PCDH11X: variants seen among roughly 807,000 people sequenced by gnomAD.
PCDH11X encodes protocadherin-11 X-linked.
A neutral mutation model predicts 53.3 loss-of-function variants in PCDH11X; 18 were observed. That is an observed-to-expected ratio of 0.34 (90% CI 0.23 to 0.50). The LOEUF (loss-of-function observed/expected upper bound fraction) is 0.50, where lower values mean the gene tolerates loss of function less well. Among genes scored for constraint, PCDH11X ranks in the 20% least tolerant of loss-of-function variants. PCDH11X has a pLI of 0.98. For synonymous variants in PCDH11X, 279 were observed against 393.3 expected (o/e 0.71, Z 3.44); for missense variants, 570 against 1,032.4 (o/e 0.55, Z 6.14).
intron 6 of PCDH11X, among the ~76,000 whole-genome samples, chrX:92,010,658 G>T (rs1203678829): frequency 9.1e-6 from 1 of 110,090 alleles, no homozygotes; most frequent in East Asian, 2.8e-4. Flanking sequence ...GATATGCATA[G>T]ATATTGTCTC....
chrX:91,990,203 TTA>T (rs2062298567), intron 6 of PCDH11X, among the ~76,000 whole-genome samples: 4 of 110,616 alleles, frequency 3.6e-5, no homozygotes, highest in Admixed American at 9.6e-5. Flanking sequence ...GGGTACAATT[TTA>T]TGTTTTGATA....
intron 6 of PCDH11X, among the ~76,000 whole-genome samples, chrX:91,904,277 A>G (rs1417762461): frequency 2.7e-3 from 294 of 110,384 alleles, no homozygotes; most frequent in Non-Finnish European, 4.2e-3. Flanking sequence ...TCATAAGTAA[A>G]TGGATATTTA....
chrX:92,383,991 T>G (rs950252868), intron 8 of PCDH11X, among the ~76,000 whole-genome samples: 7 of 111,956 alleles, frequency 6.3e-5, no homozygotes, highest in African/African-American at 2.3e-4. Context: ...GCATCTGTTG[T>G]TTCCTGACAT....
At chrX:91,932,643 G>A (rs1319360506) in intron 6 of PCDH11X, among the ~76,000 whole-genome samples, 1 of 98,699 alleles carries the variant, frequency 1.0e-5, no homozygotes, top group Admixed American at 1.1e-4. Flanking sequence ...TGAAGAAGTG[G>A]GCATGGTGTA....
At chrX:92,208,534 T>C (rs1239681651) in intron 7 of PCDH11X, among the ~76,000 whole-genome samples, 1 of 81,504 alleles carries the variant, frequency 1.2e-5, no homozygotes, top group Admixed American at 1.4e-4. Flanking sequence ...TATATATATA[T>C]ATACAATTTT....
At chrX:92,310,024 A>G (rs1485017870) in intron 8 of PCDH11X, among the ~76,000 whole-genome samples, 1 of 112,231 alleles carries the variant, frequency 8.9e-6, no homozygotes, top group Non-Finnish European at 1.9e-5. Flanking sequence ...TATTTCCTTC[A>G]GTTTAACCAT....
chrX:92,106,198 G>A (rs1422891638), intron 6 of PCDH11X, among the ~76,000 whole-genome samples: 1 of 106,299 alleles, frequency 9.4e-6, no homozygotes, highest in African/African-American at 3.6e-5. Context: ...AAATGTTGCT[G>A]TTCTTGTTGG....
Position 91,779,404 on chromosome X carries a change from G to A in PCDH11X, c.-659G>A, listed in dbSNP as rs1022931824. 3 of 109,704 alleles carry A rather than the reference G, an allele frequency of 2.7e-5. No individual in the cohort carries two copies. Among genetic ancestry groups the A allele is most frequent in the Non-Finnish European group, 5.7e-5 (3 of 52,503 alleles). The allele number at this position is 109,704 out of a possible 1,213,427, so 9.0% of individuals were successfully genotyped here. On this transcript the variant is annotated 5_prime_UTR_variant, in exon 1 of 11. Coordinates refer to ENST00000682573, the MANE Select transcript of PCDH11X (RefSeq NM_032968.5). The stretch of plus-strand genomic sequence containing the variant: ...TCGGCGAACTGTCGGGGCGGGAGGA[G>A]CCGTGAGCAGTAGCTGCACTCAGCT...
intron 8 of PCDH11X, among the ~76,000 whole-genome samples, chrX:92,379,559 G>T (rs750946066): frequency 8.9e-6 from 1 of 112,305 alleles, no homozygotes; most frequent in Admixed American, 9.3e-5. Context: ...GCGTCAGGAG[G>T]CATAGAGGCT....
intron 7 of PCDH11X, among the ~76,000 whole-genome samples, chrX:92,205,412 G>T (rs1302293420): frequency 2.7e-5 from 3 of 110,359 alleles, no homozygotes; most frequent in Non-Finnish European, 5.7e-5. Flanking sequence ...TTAAGAAACC[G>T]TTGCAGTCGT....
chrX:92,180,287 C>A (rs1396652301), intron 6 of PCDH11X, among the ~76,000 whole-genome samples: 1 of 111,273 alleles, frequency 9.0e-6, no homozygotes, highest in Admixed American at 9.6e-5. Flanking sequence ...CACCTCCCAC[C>A]AGGCCCCTCC....
chrX:92,130,650 CAAAA>C (rs34011848), intron 6 of PCDH11X, among the ~76,000 whole-genome samples: 3 of 63,089 alleles, frequency 4.8e-5, no homozygotes, highest in African/African-American at 5.0e-5. Flanking sequence ...AACTCTGTCT[CAAAA>C]AAAAAAAAAA....
At chrX:92,446,153 TAA>T (rs4020634) in intron 9 of PCDH11X, among the ~76,000 whole-genome samples, 12,662 of 92,543 alleles carry the variant, frequency 0.14, 1,355 homozygotes, top group African/African-American at 0.35. Flanking sequence ...AAAGCAGAAT[TAA>T]AAAAAAAAAA....
intron 10 of PCDH11X, among the ~76,000 whole-genome samples, chrX:92,478,517 T>G (rs2073436188): frequency 9.0e-6 from 1 of 111,075 alleles, no homozygotes; most frequent in East Asian, 2.8e-4. Context: ...TGCTATAAAT[T>G]TCCACTTTAA....
intron 9 of PCDH11X, among the ~76,000 whole-genome samples, chrX:92,394,710 C>T (rs1242956706): frequency 8.9e-6 from 1 of 111,813 alleles, no homozygotes; most frequent in Non-Finnish European, 1.9e-5. Context: ...TATAATCAGT[C>T]ATTCAAGATG....
chrX:92,349,575 C>A (rs1188919256), intron 8 of PCDH11X, among the ~76,000 whole-genome samples: 1 of 103,706 alleles, frequency 9.6e-6, no homozygotes, highest in East Asian at 3.1e-4. Context: ...GTCCCGCTAC[C>A]ATTTGTCCCC....
chrX:92,194,082 G>C (rs2066249282), intron 6 of PCDH11X, among the ~76,000 whole-genome samples: 1 of 111,707 alleles, frequency 9.0e-6, no homozygotes, highest in African/African-American at 3.2e-5. Context: ...GTGACAGTAA[G>C]TACTTTGAAA....
intron 6 of PCDH11X, among the ~76,000 whole-genome samples, chrX:92,064,085 A>C (rs1170653493): frequency 1.9e-5 from 2 of 104,456 alleles, no homozygotes; most frequent in Non-Finnish European, 3.9e-5. Context: ...GGGGTTGGGT[A>C]CTGGTAGGAG....
At chrX:91,962,732 C>A (rs1363864748) in intron 6 of PCDH11X, among the ~76,000 whole-genome samples, 1 of 111,013 alleles carries the variant, frequency 9.0e-6, no homozygotes, top group Non-Finnish European at 1.9e-5. Context: ...TCCATCCCTG[C>A]AACACACCTG....
Sources: allele counts gnomAD v4.1 joint callset (sites outside exome capture counted in the v4.1 genomes callset), GRCh38; gene constraint gnomAD v4.1.1; transcripts MANE v1.5; gene names NCBI Gene and HGNC (gene_info 2026-07-23, HGNC 2026-07-21).